Variants in DPP6 observed in about 807,000 individuals in gnomAD.
DPP6 encodes the protein dipeptidyl peptidase like 6.
Under a neutral mutation model 122.6 loss-of-function variants are expected in DPP6, and 69 were observed. That is an observed-to-expected ratio of 0.56 (90% CI 0.46 to 0.69). The LOEUF (loss-of-function observed/expected upper bound fraction) is 0.69. Among genes scored for constraint, DPP6 ranks in the 30% least tolerant of loss-of-function variants. The probability of loss-of-function intolerance (pLI) is 0.00; values close to 1 mark genes in which losing one functional copy is unlikely to be tolerated. For synonymous variants in DPP6, 418 were observed against 433.1 expected (o/e 0.97, Z 0.43); for missense variants, 928 against 1,116.9 (o/e 0.83, Z 2.41).
At chr7:154,177,718 A>G (rs1255069442) in intron 1 of DPP6, among the ~76,000 whole-genome samples, 1 of 152,220 alleles carries the variant, frequency 6.6e-6, no homozygotes, top group Non-Finnish European at 1.5e-5. Flanking sequence ...CTCCTTACCC[A>G]GGTTTCTTTG....
At chr7:154,347,288 A>T (rs993255249) in intron 1 of DPP6, among the ~76,000 whole-genome samples, 1 of 152,252 alleles carries the variant, frequency 6.6e-6, no homozygotes, top group African/African-American at 2.4e-5. Flanking sequence ...ATTAAATGGA[A>T]AAGATCAGAC....
chr7:154,253,367 C>T (rs912871831), intron 1 of DPP6, among the ~76,000 whole-genome samples: 3 of 152,156 alleles, frequency 2.0e-5, no homozygotes, highest in African/African-American at 7.2e-5. Flanking sequence ...GGTGAGGGGA[C>T]AGTCTTCCCT....
intron 7 of DPP6, among the ~76,000 whole-genome samples, chr7:154,721,556 G>A (rs895837705): frequency 3.3e-5 from 5 of 152,148 alleles, no homozygotes; most frequent in African/African-American, 4.8e-5. Flanking sequence ...TCATAGAAGC[G>A]TAAGGGAAAT....
chr7:153,814,109 C>T, the DPP6 span, among the ~76,000 whole-genome samples: 3 of 152,102 alleles, frequency 2.0e-5, no homozygotes, highest in Non-Finnish European at 4.4e-5. Flanking sequence ...TGCCTATGTC[C>T]TGAATGGTAA....
At chr7:154,557,552 A>C (rs1185593906) in intron 4 of DPP6, among the ~76,000 whole-genome samples, 1 of 152,152 alleles carries the variant, frequency 6.6e-6, no homozygotes, top group African/African-American at 2.4e-5. Context: ...AAAACAAACT[A>C]AAATTTGCTT....
intron 1 of DPP6, among the ~76,000 whole-genome samples, chr7:154,093,485 C>T (rs1805037688): frequency 8.1e-6 from 1 of 122,774 alleles, no homozygotes; most frequent in Non-Finnish European, 1.7e-5. Flanking sequence ...ATACACCACA[C>T]ACAAACCACA....
At chr7:153,895,673 A>C (rs997893604) in intron 1 of DPP6, among the ~76,000 whole-genome samples, 8 of 152,142 alleles carry the variant, frequency 5.3e-5, no homozygotes, top group Non-Finnish European at 1.0e-4. Flanking sequence ...TTGATGACCC[A>C]GGAAGACTGT....
intron 1 of DPP6, among the ~76,000 whole-genome samples, chr7:153,893,777 G>A (rs759099900): frequency 3.3e-5 from 5 of 152,182 alleles, no homozygotes; most frequent in Non-Finnish European, 7.3e-5. Context: ...ACAGACCAGT[G>A]GTCTTCAGTA....
intron 1 of DPP6, among the ~76,000 whole-genome samples, chr7:154,257,886 C>T (rs1272224182): frequency 6.6e-6 from 1 of 152,112 alleles, no homozygotes; most frequent in Non-Finnish European, 1.5e-5. Context: ...TGTTTGGCTT[C>T]TGTTGGTTAG....
intron 1 of DPP6, among the ~76,000 whole-genome samples, chr7:154,347,597 A>G (rs1472169693): frequency 6.6e-6 from 1 of 152,238 alleles, no homozygotes; most frequent in African/African-American, 2.4e-5. Flanking sequence ...ATACATATAA[A>G]TATGCCTATC....
intron 1 of DPP6, among the ~76,000 whole-genome samples, chr7:154,315,450 T>C (rs1807352343): frequency 6.6e-6 from 1 of 152,134 alleles, no homozygotes; most frequent in African/African-American, 2.4e-5. Context: ...CCTACAATTT[T>C]TTGAGTTCCT....
intron 2 of DPP6, among the ~76,000 whole-genome samples, chr7:154,455,910 G>A (rs1454589307): frequency 6.6e-6 from 1 of 152,180 alleles, no homozygotes; most frequent in Non-Finnish European, 1.5e-5. Context: ...TCTCTTGCCT[G>A]CTATAGATGA....
At chr7:154,504,997 A>G (rs1457124677) in intron 3 of DPP6, among the ~76,000 whole-genome samples, 3 of 152,222 alleles carry the variant, frequency 2.0e-5, no homozygotes, top group Admixed American at 6.5e-5. Flanking sequence ...GACAAAAACT[A>G]TTCCATTTTG....
intron 1 of DPP6, among the ~76,000 whole-genome samples, chr7:154,040,781 A>T (rs1209597922): frequency 6.6e-6 from 1 of 152,026 alleles, no homozygotes; most frequent in Admixed American, 6.5e-5. Flanking sequence ...TGTGATTCTT[A>T]TTCTGATTAC....
At chr7:154,275,584 T>C (rs1017774114) in intron 1 of DPP6, among the ~76,000 whole-genome samples, 3 of 152,148 alleles carry the variant, frequency 2.0e-5, no homozygotes, top group African/African-American at 7.2e-5. Flanking sequence ...TCAGACCAGA[T>C]TTACAATGGC....
chr7:154,815,403 G>C (rs1422072700), intron 16 of DPP6, among the ~76,000 whole-genome samples: 1 of 152,234 alleles, frequency 6.6e-6, no homozygotes, highest in Admixed American at 6.5e-5. Flanking sequence ...TCAACCGCCA[G>C]AGCCACTGAA....
intron 1 of DPP6, among the ~76,000 whole-genome samples, chr7:153,956,630 G>A (rs752050832): frequency 1.6e-4 from 25 of 152,148 alleles, no homozygotes; most frequent in Non-Finnish European, 3.2e-4. Flanking sequence ...AGGACCCAAA[G>A]GATCAGGCTG....
intron 1 of DPP6, among the ~76,000 whole-genome samples, chr7:154,108,774 G>T (rs1302251044): frequency 2.6e-5 from 4 of 152,192 alleles, no homozygotes; most frequent in Non-Finnish European, 4.4e-5. Context: ...AGCCACTGGG[G>T]CGGACAGGTT....
In DPP6 at chr7:154,486,307, T is replaced by C. The variant is rs1823794233; in HGVS notation, c.457+11270T>C. 6.6e-6 allele frequency among the ~76,000 whole-genome samples: 1 copy of C among 152,092 alleles called. No individual in the cohort carries two copies. The highest frequency in any genetic ancestry group is 1.9e-4 in the East Asian group (1 of 5,162). Reference sequence around the variant, plus strand: ...TGCCACCACGCCCAGCTAATTTTTGTATTTTTAGAAGAGACAGGGTTGCAC... The same window carrying C: ...TGCCACCACGCCCAGCTAATTTTTGCATTTTTAGAAGAGACAGGGTTGCAC... On this transcript the variant is annotated intron_variant, in intron 3 of 25. Transcript: ENST00000377770. The surrounding 1 kb of genome is among the most constrained non-coding windows in gnomAD (Gnocchi z 4.5).
Sources: gnomAD v4.1 joint callset for allele counts (sites outside exome capture counted in the v4.1 genomes callset) on GRCh38, gnomAD v4.1.1 for gene constraint, Gnocchi (gnomAD v3.1) non-coding constraint, MANE v1.5 for transcripts, NCBI Gene and HGNC (gene_info 2026-07-23, HGNC 2026-07-21) for gene names.